STK3: variants seen among roughly 807,000 people sequenced by gnomAD.
STK3 encodes the protein serine/threonine kinase 3, also known as serine/threonine-protein kinase 3.
Under a neutral mutation model 58.0 loss-of-function variants are expected in STK3, and 41 were observed. The ratio of observed to expected loss-of-function variants is 0.71; its 90% CI spans 0.55 to 0.92. STK3 has a LOEUF of 0.92. Ranked by LOEUF, STK3 falls within the 40% of genes least tolerant of loss-of-function variation. The pLI is 0.00. For missense variants in STK3, 479 were observed against 602.7 expected, an observed-to-expected ratio of 0.79 and a Z score of 2.15; for synonymous variants, 170 against 191.0, an observed-to-expected ratio of 0.89 and a Z score of 0.91.
intron 10 of STK3, among the ~76,000 whole-genome samples, chr8:98,461,226 C>T (rs1243011819): frequency 1.3e-5 from 2 of 152,026 alleles, no homozygotes; most frequent in Non-Finnish European, 1.5e-5. Context: ...ATCCTTTTAT[C>T]ATTACATAAT....
intron 1 of STK3, among the ~76,000 whole-genome samples, chr8:98,810,855 A>T (rs1834176141): frequency 6.6e-6 from 1 of 151,880 alleles, no homozygotes; most frequent in Non-Finnish European, 1.5e-5. Context: ...GTGAGTTCTC[A>T]CTCTATTAAT....
downstream of STK3, chr8:98,883,107 G>GT (rs1384153191): frequency 6.6e-6 from 1 of 152,584 alleles, no homozygotes; most frequent in Non-Finnish European, 1.5e-5. Flanking sequence ...GTTTTGTTTT[G>GT]TTTTTTAAGA....
In STK3 at chr8:98,923,730, G is replaced by A. The variant is rs148756993; in HGVS notation, c.-79+18648C>T. On this transcript the variant is annotated intron_variant, in intron 1 of 1. Coordinates refer to the STK3 transcript ENST00000519420. ...GCTATTAAAAGTGTTGAAGTCTGGGGTACCCTCCAAGTCATGGAAATGTGT... is the reference window on the plus strand; with the variant it reads ...GCTATTAAAAGTGTTGAAGTCTGGGATACCCTCCAAGTCATGGAAATGTGT... 3.1e-3 allele frequency among the ~76,000 whole-genome samples: 477 copies of A among 152,156 alleles called. 3 individuals are homozygous for A. Among genetic ancestry groups the A allele is most frequent in the African/African-American group, 0.01 (431 of 41,502 alleles).
intron 6 of STK3, among the ~76,000 whole-genome samples, chr8:98,685,550 T>G (rs184976279): frequency 4.7e-4 from 72 of 152,198 alleles, no homozygotes; most frequent in Non-Finnish European, 1.5e-4. Flanking sequence ...GTTTAGGGTC[T>G]AGGATGCCTT....
intron 1 of STK3, among the ~76,000 whole-genome samples, chr8:98,784,256 G>A (rs1395042448): frequency 6.6e-6 from 1 of 152,224 alleles, no homozygotes; most frequent in Non-Finnish European, 1.5e-5. Context: ...TGGCCACATA[G>A]GCTTCTGGCT....
At chr8:98,628,091 A>G (rs1818873190) in intron 6 of STK3, among the ~76,000 whole-genome samples, 1 of 152,232 alleles carries the variant, frequency 6.6e-6, no homozygotes, top group African/African-American at 2.4e-5. Flanking sequence ...TATCTGTTTT[A>G]TATCTGTGTA....
intron 5 of STK3, 150 bp downstream of exon 5, chr8:98,706,997 C>A: frequency 1.4e-6 from 1 of 724,678 alleles, no homozygotes; most frequent in Non-Finnish European, 2.1e-6. Context: ...AAATAATACT[C>A]AAATTTGGCT....
Position 98,579,087 on chromosome 8 carries a change from G to T in STK3, c.948+577C>A, listed in dbSNP as rs146645575. ...AATCGCTTGAACCCGGGAGGTGGAG[G>T]TTGCAGTGAGCCAAGATCGTGCCAC... On this transcript the variant is annotated intron_variant, in intron 8 of 10. Coordinates refer to ENST00000419617, the MANE Select transcript of STK3 (RefSeq NM_006281.4). Among the ~76,000 whole-genome samples, 168 of 152,146 alleles carry T rather than the reference G, an allele frequency of 1.1e-3. 4 individuals are homozygous for T. In the East Asian group the frequency reaches 0.029, roughly 26 times the overall value.
intron 1 of STK3, among the ~76,000 whole-genome samples, chr8:98,785,225 C>T (rs1197644724): frequency 5.9e-5 from 9 of 152,216 alleles, no homozygotes; most frequent in African/African-American, 1.4e-4. Flanking sequence ...AGAGCACCTG[C>T]TTGCCTGGTT....
chr8:98,793,415 G>A (rs904198571), intron 1 of STK3, among the ~76,000 whole-genome samples: 10 of 152,276 alleles, frequency 6.6e-5, no homozygotes, highest in African/African-American at 2.2e-4. Context: ...GCACAAGCCT[G>A]CAGCCCCAGC....
intron 10 of STK3, among the ~76,000 whole-genome samples, chr8:98,483,738 G>A (rs1206937784): frequency 6.6e-6 from 1 of 152,158 alleles, no homozygotes; most frequent in Non-Finnish European, 1.5e-5. Flanking sequence ...CCATAAAAAA[G>A]ATAAGGAAGT....
intron 1 of STK3, among the ~76,000 whole-genome samples, chr8:98,931,204 T>G (rs753526041): frequency 6.6e-6 from 1 of 152,158 alleles, no homozygotes; most frequent in Non-Finnish European, 1.5e-5. Flanking sequence ...TAGTTCTGCT[T>G]GTATAGGAAG....
intron 9 of STK3, among the ~76,000 whole-genome samples, chr8:98,532,475 A>C (rs773912325): frequency 6.6e-6 from 1 of 152,194 alleles, no homozygotes; most frequent in African/African-American, 2.4e-5. Context: ...TCAGTGTAAC[A>C]GACATAATAA....
chr8:98,441,164 T>C (rs376347542), intron 1 of STK3, among the ~76,000 whole-genome samples: 1 of 152,238 alleles, frequency 6.6e-6, no homozygotes, highest in Non-Finnish European at 1.5e-5. Context: ...AAAATTCACA[T>C]GACTACCGCC....
At chr8:98,510,687 G>A (rs1286158409) in intron 10 of STK3, among the ~76,000 whole-genome samples, 2 of 151,974 alleles carry the variant, frequency 1.3e-5, no homozygotes, top group African/African-American at 4.8e-5. Flanking sequence ...TATGTTTTAA[G>A]TTTAATAAAG....
intron 6 of STK3, among the ~76,000 whole-genome samples, chr8:98,612,582 C>T (rs920277305): frequency 6.6e-6 from 1 of 151,752 alleles, no homozygotes; most frequent in South Asian, 2.1e-4. Context: ...TTCTTTGTCC[C>T]TTATATATTC....
At chr8:98,572,096 T>G (rs894401561) in intron 8 of STK3, among the ~76,000 whole-genome samples, 6 of 152,234 alleles carry the variant, frequency 3.9e-5, no homozygotes, top group Non-Finnish European at 8.8e-5. Flanking sequence ...TGTATAAATA[T>G]TTAAAAACTC....
intron 6 of STK3, among the ~76,000 whole-genome samples, chr8:98,692,735 T>G (rs1332360408): frequency 1.3e-5 from 2 of 152,060 alleles, no homozygotes; most frequent in South Asian, 4.1e-4. Flanking sequence ...ATGTTATATA[T>G]TACTCATTAA....
downstream of STK3, among the ~76,000 whole-genome samples, chr8:98,454,176 C>T (rs1819330570): frequency 6.6e-6 from 1 of 152,128 alleles, no homozygotes; most frequent in East Asian, 1.9e-4. Context: ...GACAATATAC[C>T]TTCTGTGACA....
Sources: gnomAD v4.1 joint callset for allele counts (sites outside exome capture counted in the v4.1 genomes callset) on GRCh38, gnomAD v4.1.1 for gene constraint, MANE v1.5 for transcripts, NCBI Gene and HGNC (gene_info 2026-07-23, HGNC 2026-07-21) for gene names.